Variants in NUDT19 observed in about 807,000 individuals in gnomAD.
The protein encoded by NUDT19 is nudix hydrolase 19.
NUDT19 carries 31 observed loss-of-function variants against 22.2 expected under a neutral mutation model. That is an observed-to-expected ratio of 1.40 (90% CI 1.05 to 1.89). The LOEUF is 1.89. Ranked by LOEUF, NUDT19 falls within the 40% of genes most tolerant of loss-of-function variation. The pLI is 0.00. For synonymous variants in NUDT19, 325 were observed against 230.8 expected (o/e 1.41, Z -3.70); for missense variants, 752 against 514.2 (o/e 1.46, Z -4.47).
chr19:32,691,997 C>G lies in NUDT19; in HGVS notation c.37C>G (p.Arg13Gly). ...CCTGCGGCCGGGCCCCAGCCGCTGG[C>G]GGCGGGCGGCCAGCATCGTCCTGGC... ...SSLRPGPSRW[R>G]RAASIVLAAG... The change falls in exon 1 of 3, where the codon CGG becomes GGG. Residue 13 changes from arginine (R) to glycine (G), a missense_variant. Arg to Gly is a moderately radical substitution (Grantham distance 125, BLOSUM62 -2). Transcript: ENST00000397061. 1 of 1,235,836 alleles carries G rather than the reference C, an allele frequency of 8.1e-7. No individual in the cohort carries two copies. The highest frequency in any genetic ancestry group is 3.2e-5 in the East Asian group (1 of 31,054). The allele number at this position is 1,235,836 out of a possible 1,614,324, so 76.6% of individuals were successfully genotyped here.
chr19:32,700,647 C>A (rs1968325283), intron 1 of NUDT19, among the ~76,000 whole-genome samples: 1 of 152,146 alleles, frequency 6.6e-6, no homozygotes, highest in Non-Finnish European at 1.5e-5. Context: ...TCAGGGAGGT[C>A]TTGAACTCCT....
chr19:32,693,343 A>G (rs959331818), intron 1 of NUDT19, among the ~76,000 whole-genome samples: 2 of 151,884 alleles, frequency 1.3e-5, no homozygotes, highest in Admixed American at 6.6e-5. Flanking sequence ...GTGGTGCGTC[A>G]GGAGTTGTTT....
At position 32,709,213 on chromosome 19, in the gene NUDT19, G is replaced by C; in HGVS notation, c.743G>C (p.Ser248Thr). The C allele has an allele frequency of 6.2e-7, 1 of 1,613,716 alleles. No homozygotes were observed. ...TCATCTCCATCAGAGGCAACTGAAA[G>C]TTTCTTATCAAAAGAAATTTGGTTG... Reference protein sequence around the residue: ...QWSSPSEATESFLSKEIWLPP... With the variant: ...QWSSPSEATETFLSKEIWLPP... Residue 248 changes from serine (S) to threonine (T), a missense_variant, in exon 2 of 3, where the codon AGT (serine) becomes ACT (threonine). Transcript: ENST00000397061.
chr19:32,700,525 G>A (rs1379506337), intron 1 of NUDT19, among the ~76,000 whole-genome samples: 1 of 152,118 alleles, frequency 6.6e-6, no homozygotes, highest in Non-Finnish European at 1.5e-5. Flanking sequence ...ACCTCTCACT[G>A]GGCTGAAGTG....
chr19:32,709,063 C>A, intron 1 of NUDT19, 122 bp from the exon 2 acceptor site: 1 of 730,734 alleles, frequency 1.4e-6, no homozygotes, highest in South Asian at 1.6e-5. Context: ...AGGGATCTCA[C>A]AGGGCGCATT....
intron 1 of NUDT19, among the ~76,000 whole-genome samples, chr19:32,699,804 T>TGTTA (rs895395229): frequency 1.2e-4 from 19 of 152,268 alleles, no homozygotes; most frequent in African/African-American, 4.6e-4. Flanking sequence ...TTGCGGTGAG[T>TGTTA]GTTACAGTTC....
At chr19:32,698,138 T>A (rs925048803) in intron 1 of NUDT19, among the ~76,000 whole-genome samples, 2 of 152,186 alleles carry the variant, frequency 1.3e-5, no homozygotes, top group African/African-American at 4.8e-5. Context: ...GTATTCTCCT[T>A]CAATGAAAAG....
At chr19:32,711,202 G>C (rs1269512414) in intron 2 of NUDT19, among the ~76,000 whole-genome samples, 1 of 151,890 alleles carries the variant, frequency 6.6e-6, no homozygotes, top group African/African-American at 2.4e-5. Flanking sequence ...AGTAGTTCAC[G>C]CCTGTAATCC....
intron 2 of NUDT19, among the ~76,000 whole-genome samples, 194 bp from the exon 3 acceptor site, chr19:32,711,558 T>A (rs1968447717): frequency 6.6e-6 from 1 of 152,112 alleles, no homozygotes; most frequent in Non-Finnish European, 1.5e-5. Flanking sequence ...ATTAAATAGA[T>A]CAAAATAAAT....
At chr19:32,709,047 T>C (rs761584811) in intron 1 of NUDT19, 138 bp from the exon 2 acceptor site, 6 of 700,122 alleles carry the variant, frequency 8.6e-6, no homozygotes, top group Non-Finnish European at 7.7e-6. Context: ...TTTCATGTTG[T>C]CTTTGAGGGA....
chr19:32,698,007 G>A (rs563218839), intron 1 of NUDT19, among the ~76,000 whole-genome samples: 6 of 152,254 alleles, frequency 3.9e-5, no homozygotes, highest in African/African-American at 1.4e-4. Flanking sequence ...TTTCCTTCTG[G>A]GCAGCGGACA....
In NUDT19 at chr19:32,692,657, G is replaced by C; in HGVS notation, c.697G>C (p.Glu233Gln). Residue 233 changes from glutamate to glutamine, a missense_variant, in exon 1 of 3, where the codon GAG becomes CAG. By Grantham distance (29) the Glu-to-Gln change is conservative. Coordinates refer to ENST00000397061, the MANE Select transcript of NUDT19 (RefSeq NM_001105570.2). ...EPPPVYPDLA[E>Q]VVGYQWSSPS... Reference sequence around the variant, plus strand: ...GCCGCCCGTCTACCCCGACTTGGCGGAGGTGGTGGGCTACCAGGTAAGGCC... The same window carrying C: ...GCCGCCCGTCTACCCCGACTTGGCGCAGGTGGTGGGCTACCAGGTAAGGCC... The C allele has an allele frequency of 6.6e-7, 1 of 1,512,884 alleles. No individual in the cohort carries two copies. The highest frequency in any genetic ancestry group is 8.8e-7 in the Non-Finnish European group (1 of 1,137,002). 93.7% of individuals were successfully genotyped at this position (1,512,884 alleles called of 1,614,324 possible).
At chr19:32,695,185 T>A (rs2145356230) in intron 1 of NUDT19, among the ~76,000 whole-genome samples, 1 of 152,258 alleles carries the variant, frequency 6.6e-6, no homozygotes, top group South Asian at 2.1e-4. Flanking sequence ...TATTTTTCAT[T>A]TTTATTTTTT....
intron 1 of NUDT19, among the ~76,000 whole-genome samples, chr19:32,702,420 GT>G (rs1384228900): frequency 6.6e-6 from 1 of 150,452 alleles, no homozygotes; most frequent in Non-Finnish European, 1.5e-5. Flanking sequence ...TGTTACCGAA[GT>G]TATGCAACTC....
chr19:32,706,345 C>A (rs1599801743), intron 1 of NUDT19, among the ~76,000 whole-genome samples: 1 of 152,164 alleles, frequency 6.6e-6, no homozygotes, highest in Non-Finnish European at 1.5e-5. Flanking sequence ...AGACCACATT[C>A]ACCAACTTTT....
Position 32,692,402 on chromosome 19 carries a change from C to A in NUDT19, c.442C>A (p.Pro148Thr), listed in dbSNP as rs937542459. 12 of 1,573,534 alleles carry A rather than the reference C, an allele frequency of 7.6e-6. No homozygotes were observed. Among genetic ancestry groups the A allele is most frequent in the Middle Eastern group, 1.7e-4 (1 of 5,996 alleles). The change falls in exon 1 of 3, where the codon CCA becomes ACA. Residue 148 changes from proline to threonine, a missense_variant. Transcript: ENST00000397061. ...VLLLRPRTSP[P>T]GPAPGPGLAL... The stretch of plus-strand genomic sequence containing the variant: ...GCTGCTGCGGCCCAGGACTTCCCCA[C>A]CAGGCCCAGCACCCGGGCCTGGCCT...
At chr19:32,696,267 T>C (rs1968262730) in intron 1 of NUDT19, among the ~76,000 whole-genome samples, 2 of 152,222 alleles carry the variant, frequency 1.3e-5, no homozygotes, top group African/African-American at 4.8e-5. Flanking sequence ...ATTTACATCA[T>C]GAGTAGTCCA....
chr19:32,692,820 C>T lies in NUDT19; in HGVS notation c.714+146C>T, dbSNP rs778335736. On this transcript the variant is annotated intron_variant, in intron 1 of 2. Transcript: ENST00000397061. ...GGAACGCTTAGACGGGCTGGAAACT[C>T]TCACCCCTGTAGACCAAAGCCATGC... The T allele has an allele frequency of 9.8e-5, 57 of 581,912 alleles. 2 individuals carry two copies. The South Asian group carries it at 1.6e-3, about 17-fold the overall frequency. The allele number at this position is 581,912 out of a possible 1,614,324, so 36.0% of individuals were successfully genotyped here.
In NUDT19 at chr19:32,692,441, C is replaced by G. The variant is rs756149645; in HGVS notation, c.481C>G (p.Pro161Ala). ...APGPGLALEP[P>A]PGLASWRDRV... is the part of the protein sequence containing the mutation. ...CGGGCCTGGCCTCGCCCTGGAGCCA[C>G]CGCCGGGCCTGGCCTCCTGGCGCGA... The change falls in exon 1 of 3, where the codon CCG becomes GCG. Residue 161 changes from proline to alanine, a missense_variant. Pro to Ala is a conservative substitution (Grantham distance 27). Transcript: ENST00000397061. The G allele has an allele frequency of 6.5e-7, 1 of 1,548,446 alleles. No homozygotes were observed. The highest frequency in any genetic ancestry group is 8.7e-7 in the Non-Finnish European group (1 of 1,153,014).
Sources: allele counts gnomAD v4.1 joint callset (sites outside exome capture counted in the v4.1 genomes callset), GRCh38; gene constraint gnomAD v4.1.1; transcripts MANE v1.5; gene names NCBI Gene and HGNC (gene_info 2026-07-23, HGNC 2026-07-21).